Variants in TOX3 observed in about 807,000 individuals in gnomAD.
The protein encoded by TOX3 is CAG trinucleotide repeat-containing gene F9 protein.
In TOX3, 22 loss-of-function variants were observed where a neutral mutation model predicts 64.3. That is an observed-to-expected ratio of 0.34 (90% CI 0.24 to 0.49). The LOEUF is 0.49. Ranked by LOEUF, TOX3 falls within the 20% of genes least tolerant of loss-of-function variation. The pLI is 0.99. For missense variants in TOX3, 661 were observed against 714.4 expected, an observed-to-expected ratio of 0.93 and a Z score of 0.85; for synonymous variants, 291 against 273.6, an observed-to-expected ratio of 1.06 and a Z score of -0.63.
intron 3 of TOX3, among the ~76,000 whole-genome samples, chr16:52,463,584 C>G: frequency 6.6e-6 from 1 of 152,176 alleles, no homozygotes; most frequent in East Asian, 1.9e-4. Context: ...CTGATAAGGA[C>G]TTCCATTTCT....
chr16:52,519,119 A>C (rs139325969), intron 1 of TOX3, among the ~76,000 whole-genome samples: 1 of 152,226 alleles, frequency 6.6e-6, no homozygotes, highest in Non-Finnish European at 1.5e-5. Flanking sequence ...AGGCATGTAG[A>C]ACCAACCTGT....
chr16:52,498,571 C>G (rs1446292916), intron 1 of TOX3, among the ~76,000 whole-genome samples: 3 of 152,042 alleles, frequency 2.0e-5, no homozygotes, highest in African/African-American at 7.3e-5. Context: ...CCTGTCAAAT[C>G]TGAACCTTTG....
intron 1 of TOX3, among the ~76,000 whole-genome samples, chr16:52,511,691 A>G (rs191021912): frequency 6.6e-6 from 1 of 152,324 alleles, no homozygotes; most frequent in East Asian, 1.9e-4. Flanking sequence ...GGACAGAATG[A>G]ATGCAGAGAA....
intron 1 of TOX3, among the ~76,000 whole-genome samples, chr16:52,485,891 C>G (rs887648903): frequency 6.6e-6 from 1 of 152,010 alleles, no homozygotes; most frequent in Admixed American, 6.6e-5. Context: ...GGGAGAAGAG[C>G]CATCAAGGAA....
chr16:52,459,969 C>T (rs1278941471), intron 3 of TOX3, among the ~76,000 whole-genome samples: 1 of 151,846 alleles, frequency 6.6e-6, no homozygotes, highest in Non-Finnish European at 1.5e-5. Flanking sequence ...GATAAATTGC[C>T]ATTTTTCTAT....
chr16:52,546,770 G>T lies in TOX3; in HGVS notation c.-47C>A. On this transcript the variant is annotated 5_prime_UTR_variant, in exon 1 of 7. Transcript: ENST00000219746. ...GGGGGCCGGGACTGGGGTTCGCCGG[G>T]GCCGGGACCCGCCTCCTCGCCGCCG... is the stretch of plus-strand genomic sequence containing the variant. 1.4e-6 allele frequency: 2 copies of T among 1,447,304 alleles called. No homozygotes were observed. Among genetic ancestry groups the T allele is most frequent in the Non-Finnish European group, 9.1e-7 (1 of 1,101,068 alleles). 89.7% of individuals were successfully genotyped at this position (1,447,304 alleles called of 1,614,324 possible).
chr16:52,546,935 G>T lies in TOX3; in HGVS notation c.-212C>A, dbSNP rs1481452261. 1 of 1,016,026 alleles carries T rather than the reference G, an allele frequency of 9.8e-7. No individual in the cohort carries two copies. Among genetic ancestry groups the T allele is most frequent in the East Asian group, 8.8e-5 (1 of 11,306 alleles). The allele number at this position is 1,016,026 out of a possible 1,614,324, so 62.9% of individuals were successfully genotyped here. A position where few individuals can be genotyped will look rare whatever the true frequency, so the allele number is the denominator to read the frequency against. On this transcript the variant is annotated 5_prime_UTR_variant, in exon 1 of 7. Transcript: ENST00000219746. ...GGCCACGCGAGCCGCGGGAGAGCGG[G>T]AGGCGGCCGGGGGGACGCGCCCCGC...
At chr16:52,507,380 AGAGT>A (rs1034859724) in intron 1 of TOX3, among the ~76,000 whole-genome samples, 1 of 152,230 alleles carries the variant, frequency 6.6e-6, no homozygotes, top group African/African-American at 2.4e-5. Flanking sequence ...AAACACAGTG[AGAGT>A]GAGACCCCAT....
At chr16:52,468,918 T>C (rs189422229) in intron 1 of TOX3, among the ~76,000 whole-genome samples, 67 of 152,298 alleles carry the variant, frequency 4.4e-4, no homozygotes, top group African/African-American at 1.5e-3. Context: ...GAAAATCACC[T>C]TGACACATTT....
At position 52,480,648 on chromosome 16, in the gene TOX3, A is replaced by T. The variant is rs566164309; in HGVS notation, c.88-12074T>A. 8.3e-4 allele frequency among the ~76,000 whole-genome samples: 127 copies of T among 152,372 alleles called. 1 individual carries two copies. The highest frequency in any genetic ancestry group is 3.3e-3 in the South Asian group (16 of 4,824). ...AAACTTTCACTAACCAATAGTAAAA[A>T]CATGTGCTCTCTAATTTCAATAAAT... is the stretch of plus-strand genomic sequence containing the variant. On this transcript the variant is annotated intron_variant, in intron 1 of 6. Coordinates refer to ENST00000219746, the MANE Select transcript of TOX3 (RefSeq NM_001080430.4).
intron 1 of TOX3, among the ~76,000 whole-genome samples, chr16:52,523,141 C>T (rs1264192826): frequency 6.6e-6 from 1 of 152,150 alleles, no homozygotes; most frequent in Non-Finnish European, 1.5e-5. Flanking sequence ...TCAAAGTCCT[C>T]CCTGAGAAAA....
chr16:52,504,031 T>C (rs556170667), intron 1 of TOX3, among the ~76,000 whole-genome samples: 2 of 152,318 alleles, frequency 1.3e-5, no homozygotes, highest in East Asian at 3.9e-4. Flanking sequence ...TAATAAATAA[T>C]AGGACATCAT....
chr16:52,510,331 G>T (rs1370266395), intron 1 of TOX3, among the ~76,000 whole-genome samples: 1 of 152,116 alleles, frequency 6.6e-6, no homozygotes, highest in African/African-American at 2.4e-5. Flanking sequence ...TGGGACCAGG[G>T]TCTTACAAAT....
Position 52,450,604 on chromosome 16 carries a change from T to C in TOX3, c.409-58A>G, listed in dbSNP as rs188960518. 1.9e-6 allele frequency: 3 copies of C among 1,602,590 alleles called. No individual in the cohort carries two copies. The African/African-American group carries it at 4.0e-5, about 21-fold the overall frequency. ...TCAGCTTTTCCAGATATCAGTGAAC[T>C]TATCAGGTTAGCATCTCCTTAGATA... On this transcript the variant is annotated intron_variant, in intron 3 of 6. Transcript: ENST00000219746.
intron 4 of TOX3, 85 bp downstream of exon 4, chr16:52,450,192 A>G: frequency 2.0e-6 from 3 of 1,516,490 alleles, no homozygotes; most frequent in Non-Finnish European, 2.7e-6. Context: ...AAGACAAACA[A>G]GATAACACCA....
intron 1 of TOX3, among the ~76,000 whole-genome samples, chr16:52,514,449 C>T (rs146509434): frequency 6.6e-6 from 1 of 152,148 alleles, no homozygotes; most frequent in African/African-American, 2.4e-5. Flanking sequence ...ACCACTAAAC[C>T]ATTCATATAA....
chr16:52,469,946 C>T (rs760009283), intron 1 of TOX3, among the ~76,000 whole-genome samples: 19 of 152,062 alleles, frequency 1.2e-4, no homozygotes, highest in Non-Finnish European at 2.1e-4. Context: ...GCCAACACAC[C>T]GAAATGCACA....
chr16:52,464,451 A>G (rs189357728), intron 2 of TOX3, among the ~76,000 whole-genome samples: 51 of 152,320 alleles, frequency 3.3e-4, no homozygotes, highest in Admixed American at 3.1e-3. Flanking sequence ...TTAATTAGCA[A>G]CATCTGTCTT....
intron 1 of TOX3, among the ~76,000 whole-genome samples, chr16:52,487,920 C>A (rs867209685): frequency 2.6e-5 from 4 of 152,214 alleles, no homozygotes; most frequent in South Asian, 2.1e-4. Context: ...GAGGGAAAAG[C>A]AAATTTTCCC....
Sources: gnomAD v4.1 joint callset for allele counts (sites outside exome capture counted in the v4.1 genomes callset) on GRCh38, gnomAD v4.1.1 for gene constraint, MANE v1.5 for transcripts, NCBI Gene and HGNC (gene_info 2026-07-23, HGNC 2026-07-21) for gene names.